PCDHA1: variants seen among roughly 807,000 people sequenced by gnomAD.
PCDHA1 encodes protocadherin alpha 1.
A neutral mutation model predicts 61.3 loss-of-function variants in PCDHA1; 42 were observed. The ratio of observed to expected loss-of-function variants is 0.69; its 90% CI spans 0.54 to 0.89. PCDHA1 has a LOEUF of 0.89. Ranked by LOEUF, PCDHA1 falls within the 40% of genes least tolerant of loss-of-function variation. PCDHA1 has a pLI of 0.00. For missense variants in PCDHA1, 1,256 were observed against 1,235.3 expected (o/e 1.02, Z -0.25); for synonymous variants, 610 against 553.8 (o/e 1.10, Z -1.43).
chr5:140,834,395 G>C, intron 1 of PCDHA1: 1 of 1,598,712 alleles, frequency 6.3e-7, no homozygotes, highest in Non-Finnish European at 8.5e-7. Flanking sequence ...TGGTGTGCCC[G>C]AATGGATACG....
chr5:140,900,653 T>C (rs1163740859), intron 1 of PCDHA1, among the ~76,000 whole-genome samples: 1 of 152,220 alleles, frequency 6.6e-6, no homozygotes, highest in Non-Finnish European at 1.5e-5. Flanking sequence ...ACTGCTGCAA[T>C]GAACAATGGG....
intron 1 of PCDHA1, chr5:140,835,804 T>C (rs1344050034): frequency 6.2e-7 from 1 of 1,612,866 alleles, no homozygotes; most frequent in East Asian, 2.2e-5. Context: ...GGCTGCCACA[T>C]CTTCACTGTG....
intron 1 of PCDHA1, chr5:140,860,060 G>A (rs1238594068): frequency 2.0e-5 from 3 of 151,870 alleles, no homozygotes; most frequent in Admixed American, 6.6e-5. Context: ...AGGCCAAGGT[G>A]GGAGGATGGT....
chr5:140,966,541 G>A (rs2096018356), intron 1 of PCDHA1: 2 of 462,844 alleles, frequency 4.3e-6, no homozygotes, highest in Admixed American at 4.3e-5. Context: ...TGAGCGACTC[G>A]GAGGCGAGCG....
At chr5:140,999,182 G>T (rs1285087964) in intron 3 of PCDHA1, among the ~76,000 whole-genome samples, 4 of 152,204 alleles carry the variant, frequency 2.6e-5, no homozygotes, top group Non-Finnish European at 5.9e-5. Context: ...CTGATGGGGA[G>T]AGGGTCCTTG....
chr5:140,930,044 A>G (rs1416118719), intron 1 of PCDHA1: 1 of 152,194 alleles, frequency 6.6e-6, no homozygotes, highest in African/African-American at 2.4e-5. Context: ...ACTGCTTTGG[A>G]GTTTTTGCTT....
intron 1 of PCDHA1, chr5:140,875,963 T>C: frequency 4.3e-6 from 7 of 1,614,122 alleles, no homozygotes; most frequent in Non-Finnish European, 5.9e-6. Context: ...GATATCGGCG[T>C]AAACTCTCTT....
At chr5:140,831,140 A>G (rs1327824890) in intron 1 of PCDHA1, 1 of 152,182 alleles carries the variant, frequency 6.6e-6, no homozygotes, top group African/African-American at 2.4e-5. Flanking sequence ...TTATTGATTT[A>G]TTTACTACCG....
chr5:140,856,885 AT>A lies in PCDHA1; in HGVS notation c.2394+68204del, dbSNP rs781799139. 34 of 1,596,494 alleles carry A rather than the reference AT, an allele frequency of 2.1e-5. 3 individuals carry two copies. Among genetic ancestry groups the A allele is most frequent in the Non-Finnish European group, 2.9e-5 (34 of 1,166,312 alleles). ...GAATAAACAAGGAAATGATGTATTC[AT>A]TTAGCTCTTTGGTCCCACCCACGAT... On this transcript the variant is annotated intron_variant, in intron 1 of 3. Transcript: ENST00000504120.
intron 1 of PCDHA1, among the ~76,000 whole-genome samples, chr5:140,947,921 C>A (rs1327858146): frequency 6.6e-6 from 1 of 151,536 alleles, no homozygotes; most frequent in African/African-American, 2.4e-5. Context: ...CTTGCCTTAA[C>A]CCTGATCTTA....
In PCDHA1 at chr5:140,951,110, T is replaced by A. The variant is rs1230697929; in HGVS notation, c.2395-27839T>A. Reference sequence around the variant, plus strand: ...TTTTTCTGATAAGATTTCCTTTATTTTCATTCCTTACCAATAAGTTTTCCT... The same window carrying A: ...TTTTTCTGATAAGATTTCCTTTATTATCATTCCTTACCAATAAGTTTTCCT... On this transcript the variant is annotated intron_variant, in intron 1 of 3. Transcript: ENST00000504120. Among the ~76,000 whole-genome samples, 5 of 150,004 alleles carry A rather than the reference T, an allele frequency of 3.3e-5. No homozygotes were observed. The East Asian group carries it at 9.8e-4, about 29-fold the overall frequency.
At chr5:140,801,262 C>A (rs782251011) in intron 1 of PCDHA1, 5 of 1,613,770 alleles carry the variant, frequency 3.1e-6, no homozygotes, top group Non-Finnish European at 4.2e-6. Flanking sequence ...CTGCTCCTCG[C>A]AGCCTCGGAG....
intron 1 of PCDHA1, chr5:140,864,834 A>T (rs2048619369): frequency 6.6e-6 from 1 of 152,166 alleles, no homozygotes; most frequent in African/African-American, 2.4e-5. Context: ...TTTAAGTATA[A>T]GAGAGTCTTC....
intron 1 of PCDHA1, among the ~76,000 whole-genome samples, chr5:140,839,832 G>A (rs1196179832): frequency 6.6e-6 from 1 of 152,000 alleles, no homozygotes; most frequent in Admixed American, 6.6e-5. Context: ...CATTCATGAT[G>A]AATCCATGGA....
intron 1 of PCDHA1, among the ~76,000 whole-genome samples, chr5:140,898,648 G>T (rs1436511217): frequency 8.5e-5 from 13 of 152,136 alleles, no homozygotes; most frequent in African/African-American, 3.1e-4. Context: ...TGTTCTTTTG[G>T]CTTAGGATTG....
Position 140,836,166 on chromosome 5 carries a change from C to T in PCDHA1, c.2394+47482C>T, listed in dbSNP as rs373780071. On this transcript the variant is annotated intron_variant, in intron 1 of 3. Coordinates refer to ENST00000504120, the MANE Select transcript of PCDHA1 (RefSeq NM_018900.4). ...CGCGGGCCATGTGGTGGCGAAGGTACGTGCAGTTGACGCTGACTCAGGCTA... is the reference window on the plus strand; with the variant it reads ...CGCGGGCCATGTGGTGGCGAAGGTATGTGCAGTTGACGCTGACTCAGGCTA... The T allele has an allele frequency of 4.3e-6, 7 of 1,613,708 alleles. No homozygotes were observed. In the African/African-American group the frequency reaches 5.3e-5, roughly 12 times the overall value.
chr5:140,862,039 C>A (rs1554155581), intron 1 of PCDHA1: 1 of 155,382 alleles, frequency 6.4e-6, no homozygotes, highest in African/African-American at 2.4e-5. Context: ...GGGTTCAAAC[C>A]GTCACATTGT....
At chr5:140,988,226 G>C (rs1375369387) in intron 3 of PCDHA1, among the ~76,000 whole-genome samples, 2 of 152,154 alleles carry the variant, frequency 1.3e-5, no homozygotes, top group Non-Finnish European at 2.9e-5. Context: ...TGAGATCAGG[G>C]ATCTATGTGA....
rs555371032 is a variant in PCDHA1 at position 140,794,977 on chromosome 5, A to G, written c.2394+6293A>G. The G allele has an allele frequency of 7.5e-5, 121 of 1,610,366 alleles. No individual in the cohort carries two copies. The South Asian group carries it at 1.2e-3, about 16-fold the overall frequency. On this transcript the variant is annotated intron_variant, in intron 1 of 3. Transcript: ENST00000504120. ...TTGAGGATTGGTAATGGCGTCTTCT[A>G]TCAGAAGGGGCCGAGGGGCCTGGAC...
Sources: gnomAD v4.1 joint callset for allele counts (sites outside exome capture counted in the v4.1 genomes callset) on GRCh38, gnomAD v4.1.1 for gene constraint, MANE v1.5 for transcripts, NCBI Gene and HGNC (gene_info 2026-07-23, HGNC 2026-07-21) for gene names.